Variants in CDYL2 observed in about 807,000 individuals in gnomAD.
CDYL2 encodes chromodomain Y like 2, also known as chromodomain Y-like protein 2.
A neutral mutation model predicts 49.4 loss-of-function variants in CDYL2; 23 were observed. The observed-to-expected ratio is 0.47, with a 90% confidence interval of 0.34 to 0.66. CDYL2 has a LOEUF of 0.66. Ranked by LOEUF, CDYL2 falls within the 30% of genes least tolerant of loss-of-function variation. The pLI is 0.01. For missense variants in CDYL2, 678 were observed against 656.4 expected (o/e 1.03, Z -0.36); for synonymous variants, 360 against 268.8 (o/e 1.34, Z -3.32).
At chr16:80,693,462 T>C (rs1285924324) in intron 1 of CDYL2, among the ~76,000 whole-genome samples, 3 of 152,250 alleles carry the variant, frequency 2.0e-5, no homozygotes, top group African/African-American at 4.8e-5. Context: ...AAAGGTATTA[T>C]TTACAAAAAA....
chr16:80,682,769 A>C (rs892752104), intron 2 of CDYL2, among the ~76,000 whole-genome samples: 3 of 152,228 alleles, frequency 2.0e-5, no homozygotes, highest in African/African-American at 7.2e-5. Context: ...AGCAGCCGTC[A>C]CAGCAACATC....
chr16:80,624,205 G>T (rs757896267), intron 3 of CDYL2, among the ~76,000 whole-genome samples: 4 of 152,184 alleles, frequency 2.6e-5, no homozygotes, highest in African/African-American at 4.8e-5. Context: ...TTGGAGACAG[G>T]AAGCCTATGA....
chr16:80,759,101 A>AATAT (rs1906421754), intron 1 of CDYL2, among the ~76,000 whole-genome samples: 1 of 29,314 alleles, frequency 3.4e-5, no homozygotes, highest in African/African-American at 2.7e-4. Context: ...CAAACCATAT[A>AATAT]CTATATATAT....
intron 1 of CDYL2, among the ~76,000 whole-genome samples, chr16:80,771,515 C>T (rs1197059067): frequency 6.6e-6 from 1 of 152,160 alleles, no homozygotes; most frequent in African/African-American, 2.4e-5. Flanking sequence ...ACCAGCCTGG[C>T]CAACATGGTG....
intron 1 of CDYL2, among the ~76,000 whole-genome samples, chr16:80,723,640 C>A (rs572633303): frequency 6.6e-6 from 1 of 152,226 alleles, no homozygotes; most frequent in South Asian, 2.1e-4. Flanking sequence ...CTACAAGCTG[C>A]ATCCAGCCTA....
At chr16:80,761,497 A>C (rs1481316185) in intron 1 of CDYL2, among the ~76,000 whole-genome samples, 2 of 152,194 alleles carry the variant, frequency 1.3e-5, no homozygotes, top group East Asian at 3.9e-4. Context: ...TCTTCTTTTT[A>C]ATTATTGACA....
intron 1 of CDYL2, among the ~76,000 whole-genome samples, chr16:80,711,228 C>G (rs1336548381): frequency 6.6e-6 from 1 of 152,226 alleles, no homozygotes; most frequent in Non-Finnish European, 1.5e-5. Context: ...CTGGACAAAG[C>G]AGATGGCCAA....
chr16:80,748,043 G>C (rs527785503), intron 1 of CDYL2, among the ~76,000 whole-genome samples: 129 of 151,538 alleles, frequency 8.5e-4, no homozygotes, highest in Middle Eastern at 3.5e-3. Flanking sequence ...CTCCACCCCA[G>C]TGACCAGAAT....
chr16:80,718,603 G>A (rs1447177188), intron 1 of CDYL2, among the ~76,000 whole-genome samples: 2 of 152,202 alleles, frequency 1.3e-5, no homozygotes, highest in Non-Finnish European at 2.9e-5. Context: ...AGGCTCAGGA[G>A]CTAGAATTGG....
At chr16:80,695,749 C>T (rs8060994) in intron 1 of CDYL2, among the ~76,000 whole-genome samples, 76,907 of 151,972 alleles carry the variant, frequency 0.51, 20,939 homozygotes, top group Middle Eastern at 0.7. Context: ...CACCCAGATA[C>T]ATAAAGCAAA....
intron 2 of CDYL2, among the ~76,000 whole-genome samples, chr16:80,641,178 A>G (rs1908069266): frequency 6.6e-6 from 1 of 152,190 alleles, no homozygotes. Context: ...CCCAAAGCTC[A>G]AGGATAAAGA....
At chr16:80,606,763 G>C (rs1201469709) in intron 6 of CDYL2, among the ~76,000 whole-genome samples, 1 of 152,192 alleles carries the variant, frequency 6.6e-6, no homozygotes, top group African/African-American at 2.4e-5. Context: ...GACGGGGGCA[G>C]TTTCCCCCAC....
At chr16:80,727,266 G>A (rs572954820) in intron 1 of CDYL2, among the ~76,000 whole-genome samples, 10 of 152,356 alleles carry the variant, frequency 6.6e-5, no homozygotes, top group East Asian at 5.8e-4. Context: ...AAAGCAGGGC[G>A]AGGCATTGCC....
At chr16:80,746,565 G>A (rs1905938198) in intron 1 of CDYL2, among the ~76,000 whole-genome samples, 1 of 152,208 alleles carries the variant, frequency 6.6e-6, no homozygotes, top group African/African-American at 2.4e-5. Flanking sequence ...AGAATGTAGG[G>A]CAAAGGAAGC....
At chr16:80,783,419 T>A (rs1907335676) in intron 1 of CDYL2, among the ~76,000 whole-genome samples, 1 of 152,086 alleles carries the variant, frequency 6.6e-6, no homozygotes, top group Non-Finnish European at 1.5e-5. Flanking sequence ...GCTATGGGTG[T>A]AAAATGGAAA....
chr16:80,633,866 G>C (rs574131327), intron 2 of CDYL2, among the ~76,000 whole-genome samples: 3 of 152,238 alleles, frequency 2.0e-5, no homozygotes, highest in African/African-American at 7.2e-5. Context: ...CAAATGGCCT[G>C]AAAGTGCCCT....
At chr16:80,745,531 C>T (rs1905897626) in intron 1 of CDYL2, among the ~76,000 whole-genome samples, 1 of 152,150 alleles carries the variant, frequency 6.6e-6, no homozygotes, top group Non-Finnish European at 1.5e-5. Flanking sequence ...AATATAAAAA[C>T]AGTACCCCCT....
chr16:80,742,784 A>G (rs1251123557), intron 1 of CDYL2, among the ~76,000 whole-genome samples: 1 of 143,048 alleles, frequency 7.0e-6, no homozygotes, highest in Non-Finnish European at 1.5e-5. Context: ...ATAGATGGGC[A>G]GATGGATGGA....
intron 2 of CDYL2, 93 bp from the exon 3 acceptor site, chr16:80,633,329 G>A: frequency 1.5e-6 from 2 of 1,300,564 alleles, no homozygotes; most frequent in South Asian, 1.3e-5. Flanking sequence ...CAATGGAAAG[G>A]TTTGGATGTG....
Sources: allele counts gnomAD v4.1 joint callset (sites outside exome capture counted in the v4.1 genomes callset), GRCh38; gene constraint gnomAD v4.1.1; transcripts MANE v1.5; gene names NCBI Gene and HGNC (gene_info 2026-07-23, HGNC 2026-07-21).